Variants in ELP4 observed in about 807,000 individuals in gnomAD.
ELP4 encodes the protein elongator complex protein 4.
In ELP4, 51 loss-of-function variants were observed where a neutral mutation model predicts 48.9. That is an observed-to-expected ratio of 1.04 (90% CI 0.83 to 1.32). ELP4 has a LOEUF of 1.32. ELP4 is among the 40% of genes most tolerant of loss of function. The pLI is 0.00. For missense variants in ELP4, 519 were observed against 514.6 expected (o/e 1.01, Z -0.08); for synonymous variants, 210 against 189.2 (o/e 1.11, Z -0.90).
intron 2 of ELP4, among the ~76,000 whole-genome samples, chr11:31,534,228 G>C (rs986608464): frequency 2.6e-4 from 40 of 151,728 alleles, no homozygotes; most frequent in Admixed American, 2.0e-3. Context: ...TTGCTAATAC[G>C]TTTCACTGGA....
At chr11:31,562,370 T>A (rs939711515) in intron 3 of ELP4, among the ~76,000 whole-genome samples, 6 of 152,206 alleles carry the variant, frequency 3.9e-5, no homozygotes, top group Admixed American at 1.3e-4. Context: ...TCATTTGCTC[T>A]ATCTTAATCA....
chr11:31,623,458 C>T (rs1012567630), intron 5 of ELP4, among the ~76,000 whole-genome samples: 21 of 142,824 alleles, frequency 1.5e-4, no homozygotes, highest in African/African-American at 5.3e-4. Flanking sequence ...TTATCAATAT[C>T]ATGTAAATGA....
intron 2 of ELP4, among the ~76,000 whole-genome samples, chr11:31,523,039 A>ATT (rs369793709): frequency 3.0e-4 from 43 of 145,306 alleles, no homozygotes; most frequent in Admixed American, 4.1e-4. Flanking sequence ...TTATTTATTA[A>ATT]TTTTTTTTTT....
In ELP4 at chr11:31,789,849, T is replaced by C. The variant is rs577492950; in HGVS notation, c.*6325T>C. ...GCTCTAACAGCCATTTTTCTTTCTT[T>C]CCTGAAAGCTCAACTGTTGTGTCCC... On this transcript the variant is annotated 3_prime_UTR_variant, in exon 10 of 10. Coordinates refer to ENST00000640961, the MANE Select transcript of ELP4 (RefSeq NM_019040.5). The C allele has an allele frequency of 1.1e-5, 14 of 1,269,770 alleles. No homozygotes were observed. In the East Asian group the frequency reaches 2.8e-4, roughly 25 times the overall value. The allele number at this position is 1,269,770 out of a possible 1,614,324, so 78.7% of individuals were successfully genotyped here. A position where few individuals can be genotyped will look rare whatever the true frequency, so the allele number is the denominator to read the frequency against.
intron 5 of ELP4, among the ~76,000 whole-genome samples, chr11:31,619,121 GTGGT>G (rs896063221): frequency 2.0e-5 from 3 of 151,986 alleles, no homozygotes; most frequent in African/African-American, 7.2e-5. Flanking sequence ...GGGACAAGTG[GTGGT>G]TTTATTTTTT....
Position 31,786,193 on chromosome 11 carries a change from A to G in ELP4, c.*2669A>G. 4.9e-6 allele frequency: 1 copy of G among 205,144 alleles called. No homozygotes were observed. The highest frequency in any genetic ancestry group is 2.3e-5 in the African/African-American group (1 of 43,540). The allele number at this position is 205,144 out of a possible 1,614,324, so 12.7% of individuals were successfully genotyped here. ...TAAAACTACTTTAGAAGGAAGCGAC[A>G]CTCTGCAATCAATTCCCTGTCCATC... On this transcript the variant is annotated 3_prime_UTR_variant, in exon 10 of 10. Coordinates refer to ENST00000640961, the MANE Select transcript of ELP4 (RefSeq NM_019040.5).
At chr11:31,524,450 C>T (rs1381872906) in intron 2 of ELP4, among the ~76,000 whole-genome samples, 3 of 152,202 alleles carry the variant, frequency 2.0e-5, no homozygotes, top group African/African-American at 2.4e-5. Context: ...GAATGTCCCT[C>T]AGCAAAATGT....
chr11:31,761,302 C>T (rs922963933), intron 9 of ELP4, among the ~76,000 whole-genome samples: 1 of 150,928 alleles, frequency 6.6e-6, no homozygotes, highest in Middle Eastern at 3.2e-3. Context: ...TGCACGACTA[C>T]ACTCCAGCCT....
chr11:31,571,742 C>T lies in ELP4; in HGVS notation c.382-23028C>T, dbSNP rs138541844. Among the ~76,000 whole-genome samples the T allele has an allele frequency of 2.5e-4, 38 of 152,300 alleles. 1 individual carries two copies. The highest frequency in any genetic ancestry group is 8.9e-4 in the African/African-American group (37 of 41,554). On this transcript the variant is annotated intron_variant, in intron 3 of 9. Transcript: ENST00000640961. ...GCATGAAAACAGTAATCTCCTTGTA[C>T]ATCCTCATCAAAGGTCTTGGGTGAC...
intron 6 of ELP4, among the ~76,000 whole-genome samples, chr11:31,629,687 T>C (rs551063690): frequency 6.6e-6 from 1 of 152,104 alleles, no homozygotes; most frequent in East Asian, 1.9e-4. Context: ...TGTTGATCTT[T>C]AGTTTCTGAA....
At chr11:31,774,062 C>T (rs1217796358) in intron 9 of ELP4, among the ~76,000 whole-genome samples, 2 of 152,142 alleles carry the variant, frequency 1.3e-5, no homozygotes, top group Non-Finnish European at 2.9e-5. Flanking sequence ...GCCTGTAGTC[C>T]CAGCTACTCG....
At chr11:31,513,191 C>T (rs1425408311) in intron 1 of ELP4, among the ~76,000 whole-genome samples, 3 of 152,000 alleles carry the variant, frequency 2.0e-5, no homozygotes, top group African/African-American at 7.3e-5. Context: ...ATATAATTAG[C>T]TGTATATTTA....
At chr11:31,760,250 A>G (rs1183671637) in intron 9 of ELP4, among the ~76,000 whole-genome samples, 2 of 152,322 alleles carry the variant, frequency 1.3e-5, no homozygotes, top group Non-Finnish European at 2.9e-5. Context: ...ACTAAGCAGT[A>G]TCTCATTTAT....
In ELP4 at chr11:31,786,725, A is replaced by G. The variant is rs182664507; in HGVS notation, c.*3201A>G. The G allele has an allele frequency of 4.4e-6, 1 of 225,900 alleles. No individual in the cohort carries two copies. Among genetic ancestry groups the G allele is most frequent in the Admixed American group, 5.7e-5 (1 of 17,600 alleles). The allele number at this position is 225,900 out of a possible 1,614,324, so 14.0% of individuals were successfully genotyped here. On this transcript the variant is annotated 3_prime_UTR_variant, in exon 10 of 10. Transcript: ENST00000640961. The stretch of plus-strand genomic sequence containing the variant: ...TGGCAGTGAGCTGTAGCAAGAAACC[A>G]GTTGTTCACCATTTAAGGGTTAGGA...
chr11:31,757,783 T>G (rs1032137537), intron 9 of ELP4, among the ~76,000 whole-genome samples: 1 of 152,166 alleles, frequency 6.6e-6, no homozygotes, highest in African/African-American at 2.4e-5. Context: ...GCTCAAATTT[T>G]GGTTCTAAGA....
In ELP4 at chr11:31,696,954, G is replaced by A. The variant is rs549474586; in HGVS notation, c.1143+46733G>A. Among the ~76,000 whole-genome samples, 5 of 152,108 alleles carry A rather than the reference G, an allele frequency of 3.3e-5. No homozygotes were observed. The East Asian group carries it at 9.7e-4, about 29-fold the overall frequency. On this transcript the variant is annotated intron_variant, in intron 9 of 9. Transcript: ENST00000640961. ...AGACACACATAGGCTCAAAATAAAGGGATGGAGGAAGATCTACCAAGCAAA... is the reference window on the plus strand; with the variant it reads ...AGACACACATAGGCTCAAAATAAAGAGATGGAGGAAGATCTACCAAGCAAA...
intron 9 of ELP4, among the ~76,000 whole-genome samples, chr11:31,686,179 C>T (rs1017023019): frequency 1.3e-5 from 2 of 151,822 alleles, no homozygotes; most frequent in East Asian, 3.9e-4. Context: ...TTTATTTTGT[C>T]ATGCTAGCCC....
At chr11:31,646,501 C>G (rs1321400720) in intron 7 of ELP4, 1 of 151,684 alleles carries the variant, frequency 6.6e-6, no homozygotes, top group Non-Finnish European at 1.5e-5. Flanking sequence ...ATTTTTCATT[C>G]TTAGGCCATC....
At chr11:31,734,492 A>G (rs960618209) in intron 9 of ELP4, among the ~76,000 whole-genome samples, 1 of 152,248 alleles carries the variant, frequency 6.6e-6, no homozygotes, top group African/African-American at 2.4e-5. Flanking sequence ...TGCTAGAACT[A>G]ATAAATGAAT....
Sources: gnomAD v4.1 joint callset for allele counts (sites outside exome capture counted in the v4.1 genomes callset) on GRCh38, gnomAD v4.1.1 for gene constraint, MANE v1.5 for transcripts, NCBI Gene and HGNC (gene_info 2026-07-23, HGNC 2026-07-21) for gene names.